GDPD1: variants seen among roughly 807,000 people sequenced by gnomAD.
GDPD1 encodes the protein lysophospholipase D GDPD1.
In GDPD1, 28 loss-of-function variants were observed where a neutral mutation model predicts 45.1. The ratio of observed to expected loss-of-function variants is 0.62; its 90% CI spans 0.46 to 0.85. GDPD1 has a LOEUF of 0.85. Among genes scored for constraint, GDPD1 ranks in the 40% least tolerant of loss-of-function variants. The pLI is 0.00. For missense variants in GDPD1, 256 were observed against 364.8 expected, an observed-to-expected ratio of 0.70 and a Z score of 2.43; for synonymous variants, 139 against 131.4, an observed-to-expected ratio of 1.06 and a Z score of -0.40.
At chr17:59,231,322 T>TCC (rs2047087442) in intron 1 of GDPD1, among the ~76,000 whole-genome samples, 1 of 134,718 alleles carries the variant, frequency 7.4e-6, no homozygotes, top group African/African-American at 3.2e-5. Context: ...TTTTCTTTCT[T>TCC]TCTTTTTTTT....
At chr17:59,227,088 G>GTA (rs2047053077) in intron 1 of GDPD1, among the ~76,000 whole-genome samples, 1 of 151,972 alleles carries the variant, frequency 6.6e-6, no homozygotes, top group South Asian at 2.1e-4. Flanking sequence ...GTATTTTTCT[G>GTA]TATATTTCAT....
intron 7 of GDPD1, among the ~76,000 whole-genome samples, chr17:59,269,025 G>T (rs1398711445): frequency 6.6e-6 from 1 of 151,888 alleles, no homozygotes; most frequent in Admixed American, 6.6e-5. Context: ...TTGGCCGGGC[G>T]TGGTGGCTCA....
intron 4 of GDPD1, 128 bp from the exon 5 acceptor site, chr17:59,256,993 AT>A (rs1352447159): frequency 6.5e-6 from 3 of 459,356 alleles, no homozygotes; most frequent in Admixed American, 8.3e-5. Context: ...GATTTACATG[AT>A]TTTTTTCTTC....
At chr17:59,265,088 G>T (rs561956442) in intron 6 of GDPD1, among the ~76,000 whole-genome samples, 23 of 152,088 alleles carry the variant, frequency 1.5e-4, no homozygotes, top group Non-Finnish European at 2.9e-4. Flanking sequence ...TGATCCACCC[G>T]CCTTGGCCTC....
chr17:59,228,313 A>T (rs1197500327), intron 1 of GDPD1, among the ~76,000 whole-genome samples: 2 of 152,208 alleles, frequency 1.3e-5, no homozygotes, highest in African/African-American at 4.8e-5. Flanking sequence ...CAAGCATCCT[A>T]AAACTCCAGA....
At position 59,228,788 on chromosome 17, in the gene GDPD1, G is replaced by A. The variant is rs545540475; in HGVS notation, c.143-5704G>A. Among the ~76,000 whole-genome samples, 10 of 151,852 alleles carry A rather than the reference G, an allele frequency of 6.6e-5. No homozygotes were observed. In the South Asian group the frequency reaches 2.1e-3, roughly 32 times the overall value. On this transcript the variant is annotated intron_variant, in intron 1 of 9. Coordinates refer to ENST00000284116, the MANE Select transcript of GDPD1 (RefSeq NM_182569.4). ...CCTAGCTACTTGGGAGGCTGAGACTGGAAGATTGCTTGAGCTAGGAGTTTG... is the reference window on the plus strand; with the variant it reads ...CCTAGCTACTTGGGAGGCTGAGACTAGAAGATTGCTTGAGCTAGGAGTTTG...
chr17:59,255,785 ACG>A (rs2047296289), intron 4 of GDPD1, among the ~76,000 whole-genome samples: 1 of 53,326 alleles, frequency 1.9e-5, no homozygotes, highest in African/African-American at 1.3e-4. Context: ...ATATATATAT[ACG>A]CGTATATATG....
intron 2 of GDPD1, among the ~76,000 whole-genome samples, chr17:59,241,729 G>T (rs988497477): frequency 2.0e-5 from 3 of 151,960 alleles, no homozygotes; most frequent in African/African-American, 7.2e-5. Flanking sequence ...AGGAGTTCGA[G>T]ACCACTCTGG....
chr17:59,224,028 A>G (rs2047026352), intron 1 of GDPD1, among the ~76,000 whole-genome samples: 1 of 152,204 alleles, frequency 6.6e-6, no homozygotes, highest in Non-Finnish European at 1.5e-5. Flanking sequence ...AATCACTGCC[A>G]TCATGATGAG....
rs2047453635 is a variant in GDPD1 at position 59,272,818 on chromosome 17, A to G, written c.804A>G (p.Leu268=). ...TGAGGAAAGCTTTGTTTGACCACCT[A>G]ACTGCTCGAGGCATTCAAGTAAGTT... is the stretch of plus-strand genomic sequence containing the variant. ...LLMRKALFDH[L]TARGIQVYIW... Residue 268 remains leucine, a synonymous_variant, in exon 9 of 10, where the codon CTA becomes CTG. Transcript: ENST00000284116. The G allele has an allele frequency of 2.5e-6, 4 of 1,613,520 alleles. No homozygotes were observed. In the African/African-American group the frequency reaches 5.3e-5, roughly 22 times the overall value.
At chr17:59,232,445 G>A (rs985510010) in intron 1 of GDPD1, among the ~76,000 whole-genome samples, 8 of 148,008 alleles carry the variant, frequency 5.4e-5, no homozygotes, top group Admixed American at 1.4e-4. Context: ...GCGAGACTCC[G>A]TCTCAAAAAA....
At position 59,257,205 on chromosome 17, in the gene GDPD1, G is replaced by T. The variant is rs1266271549; in HGVS notation, c.451G>T (p.Asp151Tyr). ...EAFPNTPINI[D>Y]IKVNNNVLIK... ...CTTTCCTAACACTCCCATTAACATCGATATCAAAGTCAACAACAATGTGCT... is the reference window on the plus strand; with the variant it reads ...CTTTCCTAACACTCCCATTAACATCTATATCAAAGTCAACAACAATGTGCT... Residue 151 changes from aspartate (D) to tyrosine (Y), a missense_variant, in exon 5 of 10, where the codon GAT becomes TAT. Coordinates refer to ENST00000284116, the MANE Select transcript of GDPD1 (RefSeq NM_182569.4). The T allele has an allele frequency of 1.3e-6, 2 of 1,597,046 alleles. No individual in the cohort carries two copies. Among genetic ancestry groups the T allele is most frequent in the African/African-American group, 2.7e-5 (2 of 74,094 alleles).
Position 59,248,731 on chromosome 17 carries a change from T to C in GDPD1, c.322-9T>C, listed in dbSNP as rs1285991681. ...AGTTAACTTTTTTTTCAATCATATC[T>C]TTTTAAAGGAGCTCCCACCTTACCT... is the stretch of plus-strand genomic sequence containing the variant. On this transcript the variant is annotated splice_polypyrimidine_tract_variant and intron_variant, in intron 3 of 9. Coordinates refer to ENST00000284116, the MANE Select transcript of GDPD1 (RefSeq NM_182569.4). 5.0e-6 allele frequency: 8 copies of C among 1,585,662 alleles called. No homozygotes were observed. Among genetic ancestry groups the C allele is most frequent in the East Asian group, 4.5e-5 (2 of 44,452 alleles).
intron 6 of GDPD1, among the ~76,000 whole-genome samples, chr17:59,260,279 C>T (rs1597986759): frequency 1.3e-5 from 2 of 151,938 alleles, no homozygotes; most frequent in Admixed American, 6.6e-5. Context: ...CAGTGGCTCA[C>T]GCTTGTAATC....
intron 8 of GDPD1, among the ~76,000 whole-genome samples, chr17:59,271,665 T>C (rs2047445418): frequency 6.6e-6 from 1 of 151,692 alleles, no homozygotes; most frequent in Non-Finnish European, 1.5e-5. Flanking sequence ...TTTTTTGAGA[T>C]GGAGTCTTTC....
rs531334257 is a variant in GDPD1, at chr17:59,235,863, G to T, written c.185+1329G>T. ...AATTTTTCCTCCTATCACAGACCAT[G>T]AAATGGACTATTTTAATTTAAATAC... On this transcript the variant is annotated intron_variant, in intron 2 of 9. Transcript: ENST00000284116. 2.0e-3 allele frequency among the ~76,000 whole-genome samples: 304 copies of T among 150,136 alleles called. 1 individual carries two copies. Among genetic ancestry groups the T allele is most frequent in the Non-Finnish European group, 3.7e-3 (251 of 67,698 alleles).
At chr17:59,234,309 C>T (rs1342126423) in intron 1 of GDPD1, among the ~76,000 whole-genome samples, 183 bp from the exon 2 acceptor site, 1 of 151,608 alleles carries the variant, frequency 6.6e-6, no homozygotes, top group Non-Finnish European at 1.5e-5. Flanking sequence ...CGAAATCACG[C>T]CACTGCACTC....
chr17:59,258,284 G>A (rs942142976), intron 6 of GDPD1, among the ~76,000 whole-genome samples: 1 of 150,982 alleles, frequency 6.6e-6, no homozygotes. Context: ...AGTGGCTCAC[G>A]CCTGTAATCC....
At chr17:59,238,122 G>C (rs1460801197) in intron 2 of GDPD1, among the ~76,000 whole-genome samples, 1 of 151,596 alleles carries the variant, frequency 6.6e-6, no homozygotes. Flanking sequence ...GACAAAATTA[G>C]CTGGGCATGG....
Sources: gnomAD v4.1 joint callset for allele counts (sites outside exome capture counted in the v4.1 genomes callset) on GRCh38, gnomAD v4.1.1 for gene constraint, MANE v1.5 for transcripts, NCBI Gene and HGNC (gene_info 2026-07-23, HGNC 2026-07-21) for gene names.